Variants in TSPAN7 observed in about 807,000 individuals in gnomAD.
TSPAN7 encodes tetraspanin 7, also known as tetraspanin-7.
In TSPAN7, 1 loss-of-function variant was observed where a neutral mutation model predicts 17.6. The observed-to-expected ratio is 0.06, with a 90% CI of 0.02 to 0.27. The LOEUF is 0.27. Ranked by LOEUF, TSPAN7 falls within the 10% of genes least tolerant of loss-of-function variation. The pLI, the probability that TSPAN7 is intolerant of heterozygous loss-of-function variation, is 1.00. For missense variants in TSPAN7, 112 were observed against 201.7 expected (o/e 0.56, Z 2.69); for synonymous variants, 78 against 79.0 (o/e 0.99, Z 0.07).
chrX:38,681,509 C>G (rs1335570771), intron 6 of TSPAN7, among the ~76,000 whole-genome samples: 3 of 112,348 alleles, frequency 2.7e-5, no homozygotes, highest in Non-Finnish European at 5.6e-5. Flanking sequence ...AAACTAATGA[C>G]TAGCTCCAGA....
At chrX:38,678,575 A>C (rs991381419) in intron 5 of TSPAN7, among the ~76,000 whole-genome samples, 1 of 112,337 alleles carries the variant, frequency 8.9e-6, no homozygotes, top group African/African-American at 3.2e-5. Context: ...GCAGTATTAA[A>C]TCAGCTCTTG....
chrX:38,659,432 G>A (rs1390668514), intron 1 of TSPAN7, among the ~76,000 whole-genome samples: 1 of 111,611 alleles, frequency 9.0e-6, no homozygotes, highest in Non-Finnish European at 1.9e-5. Flanking sequence ...ATATTTCAGC[G>A]TGACTGAGTG....
chrX:38,598,827 TGAA>T (rs1323378944), intron 1 of TSPAN7, among the ~76,000 whole-genome samples: 2 of 111,503 alleles, frequency 1.8e-5, no homozygotes, highest in Non-Finnish European at 3.8e-5. Context: ...AAAAGGAAAG[TGAA>T]GAAATTAGTT....
intron 1 of TSPAN7, among the ~76,000 whole-genome samples, chrX:38,600,513 C>T (rs1026461544): frequency 1.8e-5 from 2 of 111,631 alleles, no homozygotes; most frequent in African/African-American, 3.3e-5. Flanking sequence ...AAGGGAAGCA[C>T]GTAAGCTCTG....
chrX:38,601,627 G>A (rs1010078905), intron 1 of TSPAN7, among the ~76,000 whole-genome samples: 19 of 111,812 alleles, frequency 1.7e-4, no homozygotes, highest in African/African-American at 5.5e-4. Flanking sequence ...AGATATACTG[G>A]CCACATAGCA....
intron 1 of TSPAN7, chrX:38,563,161 C>T (rs1355708860): frequency 3.2e-6 from 3 of 949,149 alleles, no homozygotes; most frequent in Non-Finnish European, 4.0e-6. Context: ...CCAGACCACA[C>T]ATACCAGGAG....
At chrX:38,651,736 A>C (rs1294002585) in intron 1 of TSPAN7, among the ~76,000 whole-genome samples, 2 of 111,607 alleles carry the variant, frequency 1.8e-5, no homozygotes, top group Non-Finnish European at 3.8e-5. Flanking sequence ...ATAGCCATGT[A>C]ACGAGCTATG....
Position 38,574,082 on chromosome X carries a change from A to T in TSPAN7, c.81+12455A>T, listed in dbSNP as rs1303222081. 3.6e-5 allele frequency among the ~76,000 whole-genome samples: 4 copies of T among 112,233 alleles called. No individual in the cohort carries two copies. The Admixed American group carries it at 3.8e-4, about 11-fold the overall frequency. On this transcript the variant is annotated intron_variant, in intron 1 of 7. Coordinates refer to ENST00000378482, the MANE Select transcript of TSPAN7 (RefSeq NM_004615.4). ...TTATGTTCTACCTCCTTAAGGGTGG[A>T]GTATCTACCGTTATCTTTATTAACA...
chrX:38,587,102 G>A (rs1246513701), intron 1 of TSPAN7, among the ~76,000 whole-genome samples: 2 of 112,532 alleles, frequency 1.8e-5, no homozygotes, highest in Non-Finnish European at 3.8e-5. Context: ...GGTGCAACTG[G>A]CATCTAGTGG....
intron 4 of TSPAN7, among the ~76,000 whole-genome samples, chrX:38,675,147 T>TA (rs1370463228): frequency 3.6e-4 from 40 of 112,129 alleles, no homozygotes; most frequent in Admixed American, 9.4e-5. Context: ...CTGTCACAAC[T>TA]ACTCATCTCT....
At chrX:38,614,881 C>T (rs1288419246) in intron 1 of TSPAN7, among the ~76,000 whole-genome samples, 1 of 112,375 alleles carries the variant, frequency 8.9e-6, no homozygotes, top group Non-Finnish European at 1.9e-5. Flanking sequence ...TGAGCACCAG[C>T]ATCACATTTC....
At chrX:38,618,402 C>T (rs755380219) in intron 1 of TSPAN7, among the ~76,000 whole-genome samples, 15 of 111,537 alleles carry the variant, frequency 1.3e-4, no homozygotes, top group African/African-American at 4.9e-4. Context: ...TTTCTCTGTG[C>T]GAATAAGCAA....
chrX:38,642,821 C>T (rs1305341023), intron 1 of TSPAN7, among the ~76,000 whole-genome samples: 1 of 111,137 alleles, frequency 9.0e-6, no homozygotes, highest in African/African-American at 3.3e-5. Flanking sequence ...ATTTCCTCAT[C>T]TGTAAAATGG....
intron 1 of TSPAN7, among the ~76,000 whole-genome samples, chrX:38,608,530 T>C (rs2069398735): frequency 9.0e-6 from 1 of 111,453 alleles, no homozygotes; most frequent in Admixed American, 9.6e-5. Flanking sequence ...ACTGAACTTA[T>C]TTTAGACAAC....
chrX:38,567,430 A>C (rs1183833959), intron 1 of TSPAN7, among the ~76,000 whole-genome samples: 1 of 112,156 alleles, frequency 8.9e-6, no homozygotes, highest in Non-Finnish European at 1.9e-5. Flanking sequence ...CTATCAGGAG[A>C]ACAGCATGGG....
chrX:38,574,832 A>G (rs1166202754), intron 1 of TSPAN7, among the ~76,000 whole-genome samples: 1 of 109,848 alleles, frequency 9.1e-6, no homozygotes, highest in Non-Finnish European at 1.9e-5. Flanking sequence ...AGACTATAAG[A>G]TGTCCCCCAT....
At chrX:38,624,885 C>G (rs957139103) in intron 1 of TSPAN7, among the ~76,000 whole-genome samples, 1 of 112,368 alleles carries the variant, frequency 8.9e-6, no homozygotes, top group African/African-American at 3.2e-5. Context: ...TTTTTTAAAG[C>G]TCCCCAGATG....
intron 1 of TSPAN7, among the ~76,000 whole-genome samples, chrX:38,630,189 C>T (rs1602105778): frequency 1.8e-5 from 2 of 112,144 alleles, no homozygotes; most frequent in South Asian, 3.7e-4. Context: ...TTGTGTCCTT[C>T]ATGTAGTCTA....
chrX:38,650,681 T>C (rs2069671219), intron 1 of TSPAN7, among the ~76,000 whole-genome samples: 1 of 112,585 alleles, frequency 8.9e-6, no homozygotes. Context: ...CTTAGCTTTC[T>C]AAAATAAGTT....
Sources: gnomAD v4.1 joint callset for allele counts (sites outside exome capture counted in the v4.1 genomes callset) on GRCh38, gnomAD v4.1.1 for gene constraint, MANE v1.5 for transcripts, NCBI Gene and HGNC (gene_info 2026-07-23, HGNC 2026-07-21) for gene names.